The following SCN3A variants were observed in gnomAD, a reference collection of about 807,000 sequenced individuals.
SCN3A encodes the protein sodium voltage-gated channel alpha subunit 3.
In SCN3A, 60 loss-of-function variants were observed where a neutral mutation model predicts 187.6. That is an observed-to-expected ratio of 0.32 (90% CI 0.26 to 0.40). SCN3A has a LOEUF of 0.40. Ranked by LOEUF, SCN3A falls within the 10% of genes least tolerant of loss-of-function variation. The pLI is 1.00. For missense variants in SCN3A, 1,601 were observed against 2,428.2 expected, an observed-to-expected ratio of 0.66 and a Z score of 7.16; for synonymous variants, 788 against 829.2, an observed-to-expected ratio of 0.95 and a Z score of 0.85.
chr2:165,115,372 A>AT, intron 19 of SCN3A, 83 bp downstream of exon 19: 1 of 1,579,594 alleles, frequency 6.3e-7, no homozygotes, highest in Non-Finnish European at 8.7e-7. Context: ...TCGTTTCATA[A>AT]ATTTTTTTTT....
rs1448385767 is a variant in SCN3A at position 165,169,232 on chromosome 2, G to A, written c.384-407C>T. 7.2e-5 allele frequency among the ~76,000 whole-genome samples: 11 copies of A among 151,952 alleles called. 1 individual carries two copies. The highest frequency in any genetic ancestry group is 1.6e-4 in the Non-Finnish European group (11 of 67,842). The stretch of plus-strand genomic sequence containing the variant: ...CGTTAACGAATGCAATGTAAAAAGT[G>A]TGAGAATGTAGAGCCCAGTATAATC... On this transcript the variant is annotated intron_variant, in intron 4 of 27. Coordinates refer to ENST00000283254, the MANE Select transcript of SCN3A (RefSeq NM_006922.4).
intron 12 of SCN3A, among the ~76,000 whole-genome samples, chr2:165,144,861 T>G (rs1303476940): frequency 1.3e-5 from 2 of 152,224 alleles, no homozygotes; most frequent in South Asian, 4.1e-4. Flanking sequence ...GCTACATAGT[T>G]GGCGATCAAT....
At chr2:165,111,125 A>G (rs938060502) in intron 21 of SCN3A, among the ~76,000 whole-genome samples, 1 of 152,164 alleles carries the variant, frequency 6.6e-6, no homozygotes, top group Non-Finnish European at 1.5e-5. Flanking sequence ...ACCTGAGGTC[A>G]GGAGTTTGAG....
In SCN3A at chr2:165,130,273, T is replaced by G; in HGVS notation, c.2589A>C (p.Lys863Asn). Residue 863 changes from lysine to asparagine, a missense_variant, in exon 17 of 28, where the codon AAA (lysine) becomes AAC (asparagine). Lys to Asn is a moderately conservative substitution (Grantham distance 94). Around this residue, in one of 11 missense-constraint regions of SCN3A, gnomAD observed 91 missense variants for 207.0 expected, o/e 0.44. Coordinates refer to ENST00000283254, the MANE Select transcript of SCN3A (RefSeq NM_006922.4). ...TTAGCATATTTAGTGTGGGCCAGGA[T>G]TTTGCCAACTTGAAAACTCTAAGCT... Reference protein sequence around the residue: ...FRLLRVFKLAKSWPTLNMLIK... With the variant: ...FRLLRVFKLANSWPTLNMLIK... 6.2e-7 allele frequency: 1 copy of G among 1,614,136 alleles called. No individual in the cohort carries two copies. Among genetic ancestry groups the G allele is most frequent in the Non-Finnish European group, 8.5e-7 (1 of 1,180,016 alleles).
At chr2:165,184,496 A>G (rs1469395862) in intron 2 of SCN3A, among the ~76,000 whole-genome samples, 2 of 139,274 alleles carry the variant, frequency 1.4e-5, no homozygotes, top group Non-Finnish European at 3.0e-5. Context: ...AAAAAAAAAA[A>G]AAAGAAAAAA....
chr2:165,143,999 CT>C (rs1559226823), intron 12 of SCN3A, among the ~76,000 whole-genome samples: 1 of 151,574 alleles, frequency 6.6e-6, no homozygotes, highest in African/African-American at 2.4e-5. Flanking sequence ...CTAACATTAT[CT>C]GTTTAAAAAT....
intron 21 of SCN3A, among the ~76,000 whole-genome samples, chr2:165,108,960 T>C (rs1685986583): frequency 1.3e-5 from 2 of 152,140 alleles, no homozygotes; most frequent in Non-Finnish European, 2.9e-5. Flanking sequence ...TCATCTTCAT[T>C]ATTTTCTGTC....
At position 165,159,883 on chromosome 2, in the gene SCN3A, G is replaced by A. The variant is rs1405865852; in HGVS notation, c.1031+2425C>T. ...CACCTGGCTCACTCCTGTAATCCCAGCACTTTGGGAGGCCGAGGCGGGCGG... is the reference window on the plus strand; with the variant it reads ...CACCTGGCTCACTCCTGTAATCCCAACACTTTGGGAGGCCGAGGCGGGCGG... On this transcript the variant is annotated intron_variant, in intron 9 of 27. Coordinates refer to ENST00000283254, the MANE Select transcript of SCN3A (RefSeq NM_006922.4). Among the ~76,000 whole-genome samples the A allele has an allele frequency of 2.9e-5, 4 of 136,270 alleles. 1 individual carries two copies. The highest frequency in any genetic ancestry group is 1.2e-4 in the African/African-American group (4 of 33,228). 89.4% of individuals were successfully genotyped at this position (136,270 alleles called of 152,430 possible). A position where few individuals can be genotyped will look rare whatever the true frequency, so the allele number is the denominator to read the frequency against.
intron 15 of SCN3A, among the ~76,000 whole-genome samples, chr2:165,136,124 A>C (rs1057142080): frequency 6.6e-6 from 1 of 152,168 alleles, no homozygotes; most frequent in African/African-American, 2.4e-5. Flanking sequence ...GATATTTACC[A>C]TGAACACTTT....
intron 21 of SCN3A, among the ~76,000 whole-genome samples, chr2:165,107,351 C>A: frequency 6.6e-6 from 1 of 151,778 alleles, no homozygotes; most frequent in Admixed American, 6.6e-5. Flanking sequence ...TTAAATTCTT[C>A]CAAGAAATGG....
At chr2:165,110,598 C>T (rs1686066194) in intron 21 of SCN3A, among the ~76,000 whole-genome samples, 1 of 152,188 alleles carries the variant, frequency 6.6e-6, no homozygotes, top group African/African-American at 2.4e-5. Context: ...TACTTTCAAA[C>T]ACTGTTTTAA....
chr2:165,200,568 G>A (rs570049020), intron 1 of SCN3A, among the ~76,000 whole-genome samples: 2 of 152,032 alleles, frequency 1.3e-5, no homozygotes, highest in African/African-American at 2.4e-5. Flanking sequence ...TCCAAGCACC[G>A]CATTTGTCTA....
chr2:165,140,790 T>G lies in SCN3A; in HGVS notation c.1880A>C (p.Gln627Pro), dbSNP rs749744297. ...CACCATCCTGGATGACATACTGGCC[T>G]GACTAACGTTACTGTTGCGTCGCTC... Reference protein sequence around the residue: ...HGERRNSNVSQASMSSRMVPG... With the variant: ...HGERRNSNVSPASMSSRMVPG... The change falls in exon 13 of 28, where the codon CAG becomes CCG. Residue 627 changes from glutamine (Q) to proline (P), a missense_variant. Physicochemically the swap from Gln to Pro is moderately conservative, Grantham distance 76 (BLOSUM62 -1). Around this residue, in one of 11 missense-constraint regions of SCN3A, gnomAD observed 376 missense variants for 476.0 expected, o/e 0.79. Transcript: ENST00000283254. This position sits in a 1 kb window ranked among gnomAD's most constrained non-coding sequence, Gnocchi z 4.2. The G allele has an allele frequency of 6.2e-7, 1 of 1,614,056 alleles. No homozygotes were observed. The highest frequency in any genetic ancestry group is 8.5e-7 in the Non-Finnish European group (1 of 1,180,024).
intron 11 of SCN3A, among the ~76,000 whole-genome samples, chr2:165,151,913 C>T (rs1050235666): frequency 6.6e-6 from 1 of 152,056 alleles, no homozygotes; most frequent in African/African-American, 2.4e-5. Context: ...GTTTTAAATG[C>T]GCATTGGGTA....
At chr2:165,139,698 C>T (rs550032122) in intron 13 of SCN3A, 90 bp from the exon 14 acceptor site, 1 of 1,484,384 alleles carries the variant, frequency 6.7e-7, no homozygotes, top group South Asian at 1.1e-5. Flanking sequence ...ATGCTACATG[C>T]AATTTTTCCA....
chr2:165,131,398 G>A lies in SCN3A; in HGVS notation c.2411C>T (p.Thr804Ile), dbSNP rs1428022575. 2 of 1,604,196 alleles carry A rather than the reference G, an allele frequency of 1.2e-6. No homozygotes were observed. Among genetic ancestry groups the A allele is most frequent in the Non-Finnish European group, 1.7e-6 (2 of 1,174,170 alleles). ...AATGATCTTGAGAACCATTTCTGCTGTGAAAATCCCAGTAAAGACCTAAAA... is the reference window on the plus strand; with the variant it reads ...AATGATCTTGAGAACCATTTCTGCTATGAAAATCCCAGTAAAGACCTAAAA... ...VGNLVFTGIF[T>I]AEMVLKIIAM... Residue 804 changes from threonine to isoleucine, a missense_variant, in exon 16 of 28, where the codon ACA (threonine) becomes ATA (isoleucine). Thr to Ile is a moderately conservative substitution (Grantham distance 89). Around this residue, in one of 11 missense-constraint regions of SCN3A, gnomAD observed 376 missense variants for 476.0 expected, o/e 0.79. Transcript: ENST00000283254.
rs1686329227 is a variant in SCN3A at position 165,115,527 on chromosome 2, GAAC to G, written c.3439_3441del (p.Val1147del). ...TCAGCTTGTTCACCTTCTCGGGGTA[GAAC>G]AACATCAACTGTGCTTCCTTCAGAT... On this transcript the variant is annotated inframe_deletion, in exon 19 of 28. Coordinates refer to ENST00000283254, the MANE Select transcript of SCN3A (RefSeq NM_006922.4). The G allele has an allele frequency of 6.2e-7, 1 of 1,613,568 alleles. No individual in the cohort carries two copies. The highest frequency in any genetic ancestry group is 1.7e-5 in the Admixed American group (1 of 59,966).
chr2:165,156,235 A>G (rs368313893), intron 9 of SCN3A, among the ~76,000 whole-genome samples: 212 of 152,226 alleles, frequency 1.4e-3, no homozygotes, highest in East Asian at 7.4e-3. Context: ...GGCCGGGTGC[A>G]GTGGCTCACG....
chr2:165,109,423 T>C (rs564405767), intron 21 of SCN3A, among the ~76,000 whole-genome samples: 1 of 152,260 alleles, frequency 6.6e-6, no homozygotes, highest in African/African-American at 2.4e-5. Flanking sequence ...CAAATGAATA[T>C]ATATCAAATG....
Sources: gnomAD v4.1 joint callset for allele counts (sites outside exome capture counted in the v4.1 genomes callset) on GRCh38, gnomAD v4.1.1 for gene constraint, gnomAD v4.1.1 regional missense constraint, Gnocchi (gnomAD v3.1) non-coding constraint, MANE v1.5 for transcripts, NCBI Gene and HGNC (gene_info 2026-07-23, HGNC 2026-07-21) for gene names.